GUCY1A2: variants seen among roughly 807,000 people sequenced by gnomAD.
The protein encoded by GUCY1A2 is guanylate cyclase 1 soluble subunit alpha 2, also known as guanylate cyclase soluble subunit alpha-2.
In GUCY1A2, 27 loss-of-function variants were observed where a neutral mutation model predicts 63.5. The ratio of observed to expected loss-of-function variants is 0.43; its 90% CI spans 0.31 to 0.59. The LOEUF is 0.59. Ranked by LOEUF, GUCY1A2 falls within the 20% of genes least tolerant of loss-of-function variation. The pLI, the probability that GUCY1A2 is intolerant of heterozygous loss-of-function variation, is 0.11. For missense variants in GUCY1A2, 768 were observed against 913.3 expected, an observed-to-expected ratio of 0.84 and a Z score of 2.05; for synonymous variants, 364 against 343.5, an observed-to-expected ratio of 1.06 and a Z score of -0.66.
At chr11:106,810,540 T>C in intron 4 of GUCY1A2, 62 bp from the exon 5 acceptor site, 1 of 1,351,170 alleles carries the variant, frequency 7.4e-7, no homozygotes, top group South Asian at 1.5e-5. Context: ...CAAAATTTAA[T>C]ATATTATCTG....
intron 3 of GUCY1A2, among the ~76,000 whole-genome samples, chr11:106,974,021 GC>G (rs541763147): frequency 4.9e-4 from 74 of 152,214 alleles, no homozygotes; most frequent in African/African-American, 1.4e-3. Flanking sequence ...TCCAGTTCGT[GC>G]AGCTAGTAAG....
intron 4 of GUCY1A2, among the ~76,000 whole-genome samples, chr11:106,890,325 C>T (rs2135477533): frequency 6.6e-6 from 1 of 152,266 alleles, no homozygotes; most frequent in Non-Finnish European, 1.5e-5. Context: ...CTTCTCCTTT[C>T]TTATGCTTCA....
intron 6 of GUCY1A2, among the ~76,000 whole-genome samples, chr11:106,742,512 A>G (rs1863712552): frequency 6.6e-6 from 1 of 152,220 alleles, no homozygotes; most frequent in African/African-American, 2.4e-5. Context: ...CCTGAAAAGG[A>G]CATGATCTTG....
chr11:107,001,688 A>AG (rs1030398010), intron 1 of GUCY1A2, among the ~76,000 whole-genome samples: 1 of 152,064 alleles, frequency 6.6e-6, no homozygotes, highest in African/African-American at 2.4e-5. Context: ...TACTTAAAAA[A>AG]AAAATCTTTA....
chr11:106,853,638 T>C (rs988255554), intron 4 of GUCY1A2, among the ~76,000 whole-genome samples: 1 of 152,134 alleles, frequency 6.6e-6, no homozygotes, highest in South Asian at 2.1e-4. Flanking sequence ...TTTTCGGACA[T>C]TTAATAGACT....
chr11:106,740,148 A>G (rs1295923952), intron 6 of GUCY1A2, among the ~76,000 whole-genome samples: 1 of 151,446 alleles, frequency 6.6e-6, no homozygotes, highest in Non-Finnish European at 1.5e-5. Context: ...ACAGGCACCC[A>G]CCACCATGTC....
intron 6 of GUCY1A2, 73 bp downstream of exon 6, chr11:106,776,366 T>G: frequency 1.6e-6 from 2 of 1,224,568 alleles, no homozygotes; most frequent in Non-Finnish European, 2.4e-6. Context: ...AAAGTAGAAC[T>G]TGGAAGGGAA....
rs547677811 is a variant in GUCY1A2 at position 106,754,583 on chromosome 11, C to T, written c.1836+21856G>A. ...AGCATGAAGGGCTGTTGAATTTCGT[C>T]GACGGTCTTTTCTGCAGCTATTGAG... On this transcript the variant is annotated intron_variant, in intron 6 of 7. Transcript: ENST00000526355. Among the ~76,000 whole-genome samples, 8 of 152,204 alleles carry T rather than the reference C, an allele frequency of 5.3e-5. 1 individual carries two copies. Among genetic ancestry groups the T allele is most frequent in the South Asian group, 2.1e-4 (1 of 4,820 alleles).
Position 106,682,367 on chromosome 11 carries a change from C to T in GUCY1A2, c.*5182G>A, listed in dbSNP as rs1862446237. On this transcript the variant is annotated 3_prime_UTR_variant, in exon 8 of 8. Coordinates refer to ENST00000526355, the MANE Select transcript of GUCY1A2 (RefSeq NM_000855.3). ...CAAGTCTGGCTGTATATTAGCATTA[C>T]TTAGAGTGATTTTCTAAACACAGAT... 2 of 214,510 alleles carry T rather than the reference C, an allele frequency of 9.3e-6. No individual in the cohort carries two copies. The highest frequency in any genetic ancestry group is 5.9e-5 in the Admixed American group (1 of 17,094). 13.3% of individuals were successfully genotyped at this position (214,510 alleles called of 1,614,324 possible).
chr11:106,709,942 T>C (rs1415736154), intron 6 of GUCY1A2, among the ~76,000 whole-genome samples: 49 of 138,758 alleles, frequency 3.5e-4, no homozygotes, highest in East Asian at 1.3e-3. Flanking sequence ...ATTATATACA[T>C]GTATATAACA....
chr11:106,749,741 G>A (rs1174388381), intron 6 of GUCY1A2, among the ~76,000 whole-genome samples: 3 of 151,990 alleles, frequency 2.0e-5, no homozygotes, highest in African/African-American at 7.2e-5. Context: ...AAACGTACTC[G>A]TACATTGCCC....
At chr11:106,940,446 T>C (rs1489095500) in intron 3 of GUCY1A2, among the ~76,000 whole-genome samples, 1 of 152,192 alleles carries the variant, frequency 6.6e-6, no homozygotes, top group Non-Finnish European at 1.5e-5. Context: ...AGACCAGTTT[T>C]AGAGTCACAG....
chr11:106,939,660 T>C lies in GUCY1A2; in HGVS notation c.1006A>G (p.Ser336Gly). The stretch of plus-strand genomic sequence containing the variant: ...TCCCCCAACTGAAGGACTGACATGC[T>C]GGGATCAAACATCAAGTGGAAAGGG... ...AFPFHLMFDPSMSVLQLGEGL... is the reference protein window; with the variant it reads ...AFPFHLMFDPGMSVLQLGEGL... Residue 336 changes from serine to glycine, a missense_variant, in exon 4 of 8, where the codon AGC (serine) becomes GGC (glycine). Transcript: ENST00000526355. The C allele has an allele frequency of 6.2e-7, 1 of 1,613,992 alleles. No homozygotes were observed. Among genetic ancestry groups the C allele is most frequent in the Non-Finnish European group, 8.5e-7 (1 of 1,179,894 alleles).
At chr11:106,741,622 G>T (rs1330167299) in intron 6 of GUCY1A2, among the ~76,000 whole-genome samples, 1 of 152,192 alleles carries the variant, frequency 6.6e-6, no homozygotes, top group East Asian at 1.9e-4. Flanking sequence ...GATAAGTTTT[G>T]TACTATTGTT....
At chr11:106,942,966 TATTAC>T (rs1307926917) in intron 3 of GUCY1A2, among the ~76,000 whole-genome samples, 4 of 152,330 alleles carry the variant, frequency 2.6e-5, no homozygotes, top group African/African-American at 9.6e-5. Flanking sequence ...TTTTTTTGAA[TATTAC>T]ATTAAAATAT....
At chr11:106,865,442 C>T (rs1246445495) in intron 4 of GUCY1A2, among the ~76,000 whole-genome samples, 2 of 151,946 alleles carry the variant, frequency 1.3e-5, no homozygotes, top group Non-Finnish European at 2.9e-5. Context: ...AAATGTGGCA[C>T]ATATACACCA....
chr11:106,714,006 T>TC lies in GUCY1A2; in HGVS notation c.1837-5341_1837-5340insG, dbSNP rs1050860805. ...TTACACTGACACATTTTACACTCTTTTTTTCTTTTCTTTCTGTTAAAAAAA... is the reference window on the plus strand; with the variant it reads ...TTACACTGACACATTTTACACTCTTTCTTTTCTTTTCTTTCTGTTAAAAAAA... On this transcript the variant is annotated intron_variant, in intron 6 of 7. Coordinates refer to ENST00000526355, the MANE Select transcript of GUCY1A2 (RefSeq NM_000855.3). Among the ~76,000 whole-genome samples, 170 of 144,230 alleles carry TC rather than the reference T, an allele frequency of 1.2e-3. 3 individuals are homozygous for TC. The highest frequency in any genetic ancestry group is 1.8e-3 in the Non-Finnish European group (122 of 66,358). 94.6% of individuals were successfully genotyped at this position (144,230 alleles called of 152,430 possible).
At chr11:106,999,744 A>C (rs1386296623) in intron 1 of GUCY1A2, among the ~76,000 whole-genome samples, 1 of 152,172 alleles carries the variant, frequency 6.6e-6, no homozygotes, top group African/African-American at 2.4e-5. Flanking sequence ...TGTCCAATGG[A>C]ATTGTTAATT....
At chr11:106,716,079 C>A (rs1863207836) in intron 6 of GUCY1A2, among the ~76,000 whole-genome samples, 1 of 152,066 alleles carries the variant, frequency 6.6e-6, no homozygotes, top group Non-Finnish European at 1.5e-5. Flanking sequence ...AGGAGAACAT[C>A]CAGGTAAAGT....
Sources: allele counts gnomAD v4.1 joint callset (sites outside exome capture counted in the v4.1 genomes callset), GRCh38; gene constraint gnomAD v4.1.1; transcripts MANE v1.5; gene names NCBI Gene and HGNC (gene_info 2026-07-23, HGNC 2026-07-21).